CHN2: variants seen among roughly 807,000 people sequenced by gnomAD.
CHN2 encodes the protein chimerin 2, also known as beta-chimaerin.
Under a neutral mutation model 56.3 loss-of-function variants are expected in CHN2, and 35 were observed. The observed-to-expected ratio is 0.62, with a 90% confidence interval of 0.47 to 0.82. The LOEUF (loss-of-function observed/expected upper bound fraction) is 0.82, where lower values mean the gene tolerates loss of function less well. Among genes scored for constraint, CHN2 ranks in the 40% least tolerant of loss-of-function variants. The pLI is 0.00. For synonymous variants in CHN2, 210 were observed against 212.8 expected (o/e 0.99, Z 0.12); for missense variants, 491 against 580.5 (o/e 0.85, Z 1.58).
rs563219511 is a variant in CHN2 at position 29,412,804 on chromosome 7, G to C, written c.576+11976G>C. Reference sequence around the variant, plus strand: ...AGATCATTGGTACAACAGATGAGCAGTTGGGAACCTGTAGACTCTGAAGAA... The same window carrying C: ...AGATCATTGGTACAACAGATGAGCACTTGGGAACCTGTAGACTCTGAAGAA... On this transcript the variant is annotated intron_variant, in intron 6 of 12. Transcript: ENST00000222792. Among the ~76,000 whole-genome samples the C allele has an allele frequency of 4.5e-4, 68 of 149,574 alleles. 1 individual carries two copies. The Middle Eastern group carries it at 0.014, about 30-fold the overall frequency.
intron 8 of CHN2, among the ~76,000 whole-genome samples, chr7:29,499,327 A>T (rs943992651): frequency 6.6e-5 from 10 of 152,210 alleles, no homozygotes; most frequent in Non-Finnish European, 1.5e-5. Flanking sequence ...CTGCCCAAGG[A>T]GGAAGGGATT....
chr7:29,362,266 C>G (rs1798793669), intron 2 of CHN2, among the ~76,000 whole-genome samples: 1 of 152,178 alleles, frequency 6.6e-6, no homozygotes, highest in Non-Finnish European at 1.5e-5. Context: ...TCATTTCATC[C>G]TCTGATCTGT....
rs755068265 is a variant in CHN2 at position 29,499,974 on chromosome 7, G to T, written c.847G>T (p.Val283Leu). 40 of 1,609,000 alleles carry T rather than the reference G, an allele frequency of 2.5e-5. No individual in the cohort carries two copies. The highest frequency in any genetic ancestry group is 3.4e-5 in the Non-Finnish European group (40 of 1,177,938). Residue 283 changes from valine to leucine, a missense_variant, in exon 9 of 13, where the codon GTG becomes TTG. Coordinates refer to ENST00000222792, the MANE Select transcript of CHN2 (RefSeq NM_004067.4). ...GTACTGTTGTGACCTCACAACACTT[G>T]TGAAGGCTCACAACACTCAGAGACC... Reference protein sequence around the residue: ...KVYCCDLTTLVKAHNTQRPMV... With the variant: ...KVYCCDLTTLLKAHNTQRPMV...
chr7:29,459,812 A>G (rs1251506702), intron 6 of CHN2, among the ~76,000 whole-genome samples: 1 of 152,206 alleles, frequency 6.6e-6, no homozygotes, highest in African/African-American at 2.4e-5. Flanking sequence ...CAAACCCACA[A>G]GTGGTAGAAG....
At chr7:29,191,276 A>G (rs1242376523), upstream of CHN2, among the ~76,000 whole-genome samples, 1 of 152,218 alleles carries the variant, frequency 6.6e-6, no homozygotes, top group Non-Finnish European at 1.5e-5. Flanking sequence ...CAAAAGTACC[A>G]TTAAAATAAG....
chr7:29,194,599 G>T (rs367757837), upstream of CHN2: 1 of 240,746 alleles, frequency 4.2e-6, no homozygotes, highest in Non-Finnish European at 7.9e-6. Flanking sequence ...TCCCAGCCGC[G>T]CACAGGGGAG....
chr7:29,371,859 C>T lies in CHN2; in HGVS notation c.144+3872C>T, dbSNP rs531033715. 3.3e-5 allele frequency among the ~76,000 whole-genome samples: 5 copies of T among 152,252 alleles called. No homozygotes were observed. In the South Asian group the frequency reaches 8.3e-4, roughly 25 times the overall value. The stretch of plus-strand genomic sequence containing the variant: ...AATATATCTCGCATTGTCCACTGTA[C>T]TCTATCCCCATGAATGTTGTGTGGT... On this transcript the variant is annotated intron_variant, in intron 3 of 12. Transcript: ENST00000222792.
intron 1 of CHN2, among the ~76,000 whole-genome samples, chr7:29,347,408 G>A (rs559499703): frequency 2.0e-5 from 3 of 152,116 alleles, no homozygotes; most frequent in Non-Finnish European, 4.4e-5. Flanking sequence ...AAAGGAAAGA[G>A]GTGTAATTGA....
chr7:29,364,604 A>C (rs1798999803), intron 2 of CHN2, among the ~76,000 whole-genome samples: 1 of 152,212 alleles, frequency 6.6e-6, no homozygotes, highest in Non-Finnish European at 1.5e-5. Flanking sequence ...GAATAAAGGA[A>C]TTCCATGCAG....
chr7:29,353,468 A>G (rs1000405268), intron 1 of CHN2, among the ~76,000 whole-genome samples: 2 of 152,220 alleles, frequency 1.3e-5, no homozygotes, highest in Non-Finnish European at 2.9e-5. Flanking sequence ...TGCCTGGCCA[A>G]CATGGCGAAA....
intron 6 of CHN2, among the ~76,000 whole-genome samples, chr7:29,403,463 AT>A (rs1401603021): frequency 6.6e-6 from 1 of 152,096 alleles, no homozygotes; most frequent in Non-Finnish European, 1.5e-5. Flanking sequence ...TCGTTTTCTC[AT>A]TTGTTTTATT....
intron 6 of CHN2, among the ~76,000 whole-genome samples, chr7:29,418,314 C>T (rs781474607): frequency 1.3e-5 from 2 of 152,228 alleles, no homozygotes; most frequent in Non-Finnish European, 2.9e-5. Context: ...GGAAACTTCT[C>T]GCGGAAGCGC....
intron 2 of CHN2, among the ~76,000 whole-genome samples, chr7:29,149,929 A>G (rs1390599687): frequency 6.6e-6 from 1 of 152,212 alleles, no homozygotes; most frequent in Admixed American, 6.5e-5. Context: ...TAGCTTGATT[A>G]CTTCTATGAA....
chr7:29,184,751 G>A (rs1486461760), intron 2 of CHN2, among the ~76,000 whole-genome samples: 1 of 152,152 alleles, frequency 6.6e-6, no homozygotes, highest in Non-Finnish European at 1.5e-5. Context: ...GAAACACCCA[G>A]AAATAATGTT....
intron 3 of CHN2, among the ~76,000 whole-genome samples, chr7:29,377,316 G>A (rs866525709): frequency 3.7e-4 from 57 of 152,164 alleles, no homozygotes; most frequent in African/African-American, 1.3e-3. Context: ...GAGCGACCAC[G>A]CCCCGCCTCA....
chr7:29,485,384 G>A (rs1218148486), intron 7 of CHN2, among the ~76,000 whole-genome samples: 4 of 152,152 alleles, frequency 2.6e-5, no homozygotes, highest in South Asian at 2.1e-4. Flanking sequence ...GTGCAACAGC[G>A]CAGGTCACAT....
chr7:29,233,083 G>C lies in CHN2; in HGVS notation c.49+38093G>C, dbSNP rs564122000. ...CAATGTCATACTAGAGAACAAACTAGTACAGGTTCAGAGCTCAGGTACCAG... is the reference window on the plus strand; with the variant it reads ...CAATGTCATACTAGAGAACAAACTACTACAGGTTCAGAGCTCAGGTACCAG... On this transcript the variant is annotated intron_variant, in intron 1 of 12. Coordinates refer to ENST00000222792, the MANE Select transcript of CHN2 (RefSeq NM_004067.4). Among the ~76,000 whole-genome samples, 3 of 152,314 alleles carry C rather than the reference G, an allele frequency of 2.0e-5. No homozygotes were observed. The East Asian group carries it at 5.8e-4, about 29-fold the overall frequency.
chr7:29,482,922 T>C lies in CHN2; in HGVS notation c.654+2566T>C, dbSNP rs538292137. The stretch of plus-strand genomic sequence containing the variant: ...CTGCAAGCTCCGCCTCCCGGGTTCA[T>C]GCCATTCTCCTGCCTCAGCCTCCCA... On this transcript the variant is annotated intron_variant, in intron 7 of 12. Coordinates refer to ENST00000222792, the MANE Select transcript of CHN2 (RefSeq NM_004067.4). Among the ~76,000 whole-genome samples, 34 of 142,890 alleles carry C rather than the reference T, an allele frequency of 2.4e-4. No homozygotes were observed. In the East Asian group the frequency reaches 5.6e-3, roughly 24 times the overall value. The allele number at this position is 142,890 out of a possible 152,430, so 93.7% of individuals were successfully genotyped here.
At chr7:29,348,438 T>C (rs1026036082) in intron 1 of CHN2, among the ~76,000 whole-genome samples, 5 of 152,226 alleles carry the variant, frequency 3.3e-5, no homozygotes, top group Admixed American at 1.3e-4. Flanking sequence ...AACGGTCTTA[T>C]TACCCATTTT....
Sources: gnomAD v4.1 joint callset for allele counts (sites outside exome capture counted in the v4.1 genomes callset) on GRCh38, gnomAD v4.1.1 for gene constraint, MANE v1.5 for transcripts, NCBI Gene and HGNC (gene_info 2026-07-23, HGNC 2026-07-21) for gene names.